Variants in DMXL1 observed in about 807,000 individuals in gnomAD.
The protein encoded by DMXL1 is Dmx like 1, also known as dmX-like protein 1.
DMXL1 carries 99 observed loss-of-function variants against 319.2 expected under a neutral mutation model. That is an observed-to-expected ratio of 0.31 (90% CI 0.26 to 0.37). The LOEUF (loss-of-function observed/expected upper bound fraction) is 0.37, where lower values mean the gene tolerates loss of function less well. Ranked by LOEUF, DMXL1 falls within the 10% of genes least tolerant of loss-of-function variation. The pLI is 1.00. For missense variants in DMXL1, 3,745 were observed against 3,595.6 expected, an observed-to-expected ratio of 1.04 and a Z score of -1.06; for synonymous variants, 1,385 against 1,235.2, an observed-to-expected ratio of 1.12 and a Z score of -2.54.
chr5:119,071,343 G>C lies in DMXL1; in HGVS notation c.-227G>C. ...GGGAGTGACAGGTGCGCGAAGGAGCGCGGCGCTCCGCCCTCTCGCCGACCC... is the reference window on the plus strand; with the variant it reads ...GGGAGTGACAGGTGCGCGAAGGAGCCCGGCGCTCCGCCCTCTCGCCGACCC... On this transcript the variant is annotated 5_prime_UTR_variant, in exon 1 of 44. Coordinates refer to ENST00000539542, the MANE Select transcript of DMXL1 (RefSeq NM_001290321.3). The C allele has an allele frequency of 1.9e-6, 1 of 531,242 alleles. No homozygotes were observed. The highest frequency in any genetic ancestry group is 2.2e-5 in the South Asian group (1 of 46,180). 32.9% of individuals were successfully genotyped at this position (531,242 alleles called of 1,614,324 possible). A position where few individuals can be genotyped will look rare whatever the true frequency, so the allele number is the denominator to read the frequency against.
intron 9 of DMXL1, among the ~76,000 whole-genome samples, chr5:119,121,532 C>T (rs1395404564): frequency 6.6e-6 from 1 of 152,066 alleles, no homozygotes; most frequent in East Asian, 1.9e-4. Context: ...GCACATCTTG[C>T]ACCGCCCTTA....
chr5:119,144,413 G>A, intron 14 of DMXL1, 123 bp from the exon 15 acceptor site: 3 of 708,136 alleles, frequency 4.2e-6, no homozygotes, highest in Non-Finnish European at 7.2e-6. Flanking sequence ...CTTACGTTCT[G>A]CTGAACTTTT....
Position 119,143,901 on chromosome 5 carries a change from A to G in DMXL1, c.2437A>G (p.Ile813Val), listed in dbSNP as rs1767959243. Residue 813 changes from isoleucine to valine, a missense_variant, in exon 14 of 44, where the codon ATT (isoleucine) becomes GTT (valine). Around this residue, in one of 4 missense-constraint regions of DMXL1, gnomAD observed 2,096 missense variants for 1,985.4 expected, o/e 1.06. Transcript: ENST00000539542. ...ACAATCAACAGCCAGGCCAGGATGC[A>G]TTATTGCATTAGATCCCATTACCAA... is the stretch of plus-strand genomic sequence containing the variant. ...SQQSTARPGCIIALDPITKLH... is the reference protein window; with the variant it reads ...SQQSTARPGCVIALDPITKLH... 2 of 1,586,726 alleles carry G rather than the reference A, an allele frequency of 1.3e-6. No homozygotes were observed. Among genetic ancestry groups the G allele is most frequent in the South Asian group, 1.2e-5 (1 of 85,494 alleles).
chr5:119,183,289 G>A (rs1777099893), intron 28 of DMXL1, among the ~76,000 whole-genome samples: 1 of 152,092 alleles, frequency 6.6e-6, no homozygotes, highest in African/African-American at 2.4e-5. Context: ...CATTCCTTTA[G>A]CAAAGTAAGC....
chr5:119,220,681 G>T, intron 36 of DMXL1, 88 bp downstream of exon 36: 1 of 1,484,614 alleles, frequency 6.7e-7, no homozygotes, highest in Non-Finnish European at 9.1e-7. Flanking sequence ...ATTCTTTAAA[G>T]CAATGTATAG....
intron 19 of DMXL1, among the ~76,000 whole-genome samples, chr5:119,156,473 C>T (rs542322739): frequency 3.9e-5 from 6 of 151,974 alleles, no homozygotes; most frequent in East Asian, 1.9e-4. Context: ...CCTATATATA[C>T]GATATTTTCT....
At position 119,149,354 on chromosome 5, in the gene DMXL1, C is replaced by G. The variant is rs377731913; in HGVS notation, c.3527C>G (p.Thr1176Ser). The change falls in exon 18 of 44, where the codon ACT becomes AGT. Residue 1176 changes from threonine to serine, a missense_variant. Transcript: ENST00000539542. ...GPLAGKVQDQ[T>S]GKETLAFPLW... ...CTGGCTGGCAAGGTACAAGACCAAA[C>G]TGGTAAGGAAACCCTGGCATTTCCT... 9 of 1,613,930 alleles carry G rather than the reference C, an allele frequency of 5.6e-6. No homozygotes were observed. In the South Asian group the frequency reaches 9.9e-5, roughly 18 times the overall value.
At chr5:119,165,314 AATGTG>A in intron 21 of DMXL1, 34 bp downstream of exon 21, 6 of 1,159,172 alleles carry the variant, frequency 5.2e-6, no homozygotes, top group Non-Finnish European at 7.5e-6. Context: ...AGGGTGCTTC[AATGTG>A]AAAACCTGTT....
Position 119,166,605 on chromosome 5 carries a change from T to C in DMXL1, c.4971-11T>C, listed in dbSNP as rs1490449206. 1 of 1,577,458 alleles carries C rather than the reference T, an allele frequency of 6.3e-7. No homozygotes were observed. The highest frequency in any genetic ancestry group is 8.5e-7 in the Non-Finnish European group (1 of 1,170,538). On this transcript the variant is annotated splice_polypyrimidine_tract_variant and intron_variant, in intron 21 of 43. Transcript: ENST00000539542. Reference sequence around the variant, plus strand: ...TTCCAAAATTTTCACACCATTTTTTTTCCTTTATAGAGCTGAAAAAAACAC... The same window carrying C: ...TTCCAAAATTTTCACACCATTTTTTCTCCTTTATAGAGCTGAAAAAAACAC...
chr5:119,119,241 AT>A (rs1279068482), intron 8 of DMXL1, among the ~76,000 whole-genome samples: 3 of 152,210 alleles, frequency 2.0e-5, no homozygotes, highest in Non-Finnish European at 4.4e-5. Context: ...GGATGATTAC[AT>A]TTGACTTGGC....
chr5:119,071,434 C>T lies in DMXL1; in HGVS notation c.-136C>T, dbSNP rs530748019. The T allele has an allele frequency of 1.2e-4, 104 of 861,442 alleles. No homozygotes were observed. In the South Asian group the frequency reaches 1.5e-3, roughly 13 times the overall value. 53.4% of individuals were successfully genotyped at this position (861,442 alleles called of 1,614,324 possible). The stretch of plus-strand genomic sequence containing the variant: ...GCGGGCCCCAGCTGAGCGGCTCCGG[C>T]TCCAGGCGCCTGTCGCTGCTTCTGC... On this transcript the variant is annotated 5_prime_UTR_variant, in exon 1 of 44. Coordinates refer to ENST00000539542, the MANE Select transcript of DMXL1 (RefSeq NM_001290321.3).
chr5:119,082,020 TACACACACACACACACAC>T (rs565047535), intron 1 of DMXL1, among the ~76,000 whole-genome samples: 5 of 108,164 alleles, frequency 4.6e-5, no homozygotes, highest in Admixed American at 9.7e-5. Flanking sequence ...TATATATATA[TACACACACACACACACAC>T]ACACACACAC....
chr5:119,105,653 T>C (rs1758170989), intron 4 of DMXL1, among the ~76,000 whole-genome samples: 1 of 152,096 alleles, frequency 6.6e-6, no homozygotes, highest in Non-Finnish European at 1.5e-5. Context: ...CCCAGCACTT[T>C]GGGAGGCTGA....
intron 1 of DMXL1, among the ~76,000 whole-genome samples, chr5:119,087,632 C>T (rs1042633122): frequency 3.3e-5 from 5 of 151,694 alleles, no homozygotes; most frequent in South Asian, 2.1e-4. Flanking sequence ...TATTCTGCAG[C>T]GGTTAGGTGG....
intron 31 of DMXL1, among the ~76,000 whole-genome samples, chr5:119,197,094 G>C (rs534347639): frequency 2.0e-5 from 3 of 152,160 alleles, no homozygotes; most frequent in Non-Finnish European, 4.4e-5. Context: ...GTATGGATGG[G>C]CAGAACTGCT....
intron 42 of DMXL1, among the ~76,000 whole-genome samples, chr5:119,240,989 A>G (rs1788672820): frequency 6.6e-6 from 1 of 152,194 alleles, no homozygotes; most frequent in African/African-American, 2.4e-5. Flanking sequence ...CTTGAACAAC[A>G]TAAGGATTGG....
At chr5:119,239,449 A>G (rs1486560368) in intron 41 of DMXL1, among the ~76,000 whole-genome samples, 1 of 152,164 alleles carries the variant, frequency 6.6e-6, no homozygotes, top group Non-Finnish European at 1.5e-5. Context: ...TTTCTTACGT[A>G]TGTTGGTCCC....
intron 28 of DMXL1, among the ~76,000 whole-genome samples, chr5:119,184,782 T>C (rs939922269): frequency 2.0e-5 from 3 of 152,160 alleles, no homozygotes; most frequent in Non-Finnish European, 4.4e-5. Context: ...GTAATGTTCT[T>C]CCATGTTGTA....
chr5:119,150,461 T>C (rs1156835767), intron 18 of DMXL1, 40 bp downstream of exon 18: 1 of 1,537,650 alleles, frequency 6.5e-7, no homozygotes, highest in Non-Finnish European at 8.7e-7. Flanking sequence ...TTTACTTACT[T>C]TCACAGAAAA....
Sources: gnomAD v4.1 joint callset for allele counts (sites outside exome capture counted in the v4.1 genomes callset) on GRCh38, gnomAD v4.1.1 for gene constraint, gnomAD v4.1.1 regional missense constraint, MANE v1.5 for transcripts, NCBI Gene and HGNC (gene_info 2026-07-23, HGNC 2026-07-21) for gene names.